HIP1: variants seen among roughly 807,000 people sequenced by gnomAD.
The protein encoded by HIP1 is huntingtin-interacting protein 1.
In HIP1, 65 loss-of-function variants were observed where a neutral mutation model predicts 147.6. The ratio of observed to expected loss-of-function variants is 0.44; its 90% CI spans 0.36 to 0.54. The LOEUF is 0.54. Ranked by LOEUF, HIP1 falls within the 20% of genes least tolerant of loss-of-function variation. The pLI is 0.00. For synonymous variants in HIP1, 479 were observed against 504.0 expected (o/e 0.95, Z 0.67); for missense variants, 1,061 against 1,299.6 (o/e 0.82, Z 2.82).
At chr7:75,553,100 G>A (rs1343095930) in intron 22 of HIP1, among the ~76,000 whole-genome samples, 3 of 151,992 alleles carry the variant, frequency 2.0e-5, no homozygotes, top group African/African-American at 7.2e-5. Flanking sequence ...ACTATGCTGG[G>A]TTGATTTTTG....
intron 1 of HIP1, among the ~76,000 whole-genome samples, chr7:75,676,446 T>C (rs1187209840): frequency 6.6e-6 from 1 of 152,168 alleles, no homozygotes; most frequent in Non-Finnish European, 1.5e-5. Flanking sequence ...CACACGCACA[T>C]GGCCATCTGC....
chr7:75,591,730 A>G (rs922819787), intron 4 of HIP1, among the ~76,000 whole-genome samples: 1 of 151,702 alleles, frequency 6.6e-6, no homozygotes, highest in Non-Finnish European at 1.5e-5. Flanking sequence ...ACCAAAAAAA[A>G]AAAAAAAAAA....
intron 1 of HIP1, among the ~76,000 whole-genome samples, chr7:75,612,285 G>A (rs947431520): frequency 7.2e-5 from 11 of 152,142 alleles, no homozygotes; most frequent in African/African-American, 1.2e-4. Context: ...GGAGGTGGGC[G>A]GATCACCCAA....
At chr7:75,666,460 G>A (rs781990768) in intron 1 of HIP1, among the ~76,000 whole-genome samples, 3 of 152,132 alleles carry the variant, frequency 2.0e-5, no homozygotes, top group Non-Finnish European at 2.9e-5. Flanking sequence ...GTGAGCCACC[G>A]TGCCAGGCCC....
At position 75,692,735 on chromosome 7, in the gene HIP1, A is replaced by G. The variant is rs569018853; in HGVS notation, c.120+46066T>C. Reference sequence around the variant, plus strand: ...ATGAGCCACTGCGCCCAGACACTTTATTAATTTTAAATATTACCTAAGTAC... The same window carrying G: ...ATGAGCCACTGCGCCCAGACACTTTGTTAATTTTAAATATTACCTAAGTAC... On this transcript the variant is annotated intron_variant, in intron 1 of 30. Coordinates refer to ENST00000336926, the MANE Select transcript of HIP1 (RefSeq NM_005338.7). 5.9e-5 allele frequency among the ~76,000 whole-genome samples: 9 copies of G among 152,000 alleles called. 1 individual carries two copies. In the South Asian group the frequency reaches 1.7e-3, roughly 28 times the overall value.
At chr7:75,618,271 C>A (rs1312317769) in intron 1 of HIP1, among the ~76,000 whole-genome samples, 4 of 152,188 alleles carry the variant, frequency 2.6e-5, no homozygotes, top group East Asian at 1.9e-4. Context: ...CACACCTTAG[C>A]CTCCCGAGTG....
In HIP1 at chr7:75,546,940, C is replaced by A. The variant is rs111432824; in HGVS notation, c.2558G>T (p.Arg853Met). ...CCCAGGGCCCACACCCACGCTCACC[C>A]TGCCGCTCTCCACAATCTCTCTCTG... Reference protein sequence around the residue: ...DLQREIVESGRGTASPKEFYA... With the variant: ...DLQREIVESGMGTASPKEFYA... Residue 853 changes from arginine to methionine, a missense_variant and splice_region_variant, in exon 25 of 31, where the codon AGG (arginine) becomes ATG (methionine). By Grantham distance (91) the Arg-to-Met change is moderately conservative. Coordinates refer to ENST00000336926, the MANE Select transcript of HIP1 (RefSeq NM_005338.7). 11 of 1,565,138 alleles carry A rather than the reference C, an allele frequency of 7.0e-6. No individual in the cohort carries two copies. The highest frequency in any genetic ancestry group is 2.7e-5 in the African/African-American group (2 of 74,076).
chr7:75,665,698 G>A (rs1287762843), intron 1 of HIP1, among the ~76,000 whole-genome samples: 2 of 151,956 alleles, frequency 1.3e-5, no homozygotes, highest in Admixed American at 1.3e-4. Flanking sequence ...CCATCACCAT[G>A]CCTGGCTAAT....
At chr7:75,576,179 T>C (rs1795839965) in intron 7 of HIP1, among the ~76,000 whole-genome samples, 1 of 152,204 alleles carries the variant, frequency 6.6e-6, no homozygotes, top group Non-Finnish European at 1.5e-5. Flanking sequence ...CCTGATGCTC[T>C]TCTGTTGAGC....
In HIP1 at chr7:75,587,097, C is replaced by T. The variant is rs117815793; in HGVS notation, c.385-264G>A. Among the ~76,000 whole-genome samples, 22 of 152,238 alleles carry T rather than the reference C, an allele frequency of 1.4e-4. No individual in the cohort carries two copies. The East Asian group carries it at 3.5e-3, about 24-fold the overall frequency. On this transcript the variant is annotated intron_variant, in intron 4 of 30. Coordinates refer to ENST00000336926, the MANE Select transcript of HIP1 (RefSeq NM_005338.7). ...CTGGGATTACAGGCACGCACCACCA[C>T]GCCTGGTCAATTTTTGTATTTTTGC...
intron 9 of HIP1, among the ~76,000 whole-genome samples, chr7:75,567,874 A>C: frequency 6.7e-6 from 1 of 149,054 alleles, no homozygotes. Context: ...CAGTGGCACA[A>C]TCTAGCTCAC....
intron 1 of HIP1, among the ~76,000 whole-genome samples, chr7:75,726,687 C>T (rs1193941240): frequency 6.7e-6 from 1 of 150,360 alleles, no homozygotes; most frequent in Admixed American, 6.7e-5. Flanking sequence ...GTAGAGGTAT[C>T]TCATTAAATG....
chr7:75,640,188 T>G (rs1798603062), intron 1 of HIP1, among the ~76,000 whole-genome samples: 1 of 152,242 alleles, frequency 6.6e-6, no homozygotes, highest in Non-Finnish European at 1.5e-5. Context: ...CAACACAGTC[T>G]GTCCCCCCAA....
chr7:75,607,228 G>GTTTTTTT (rs202211589), intron 1 of HIP1, among the ~76,000 whole-genome samples: 10 of 139,458 alleles, frequency 7.2e-5, no homozygotes, highest in African/African-American at 2.0e-4. Flanking sequence ...GTTGTTTTTT[G>GTTTTTTT]TTTTGTTTTT....
chr7:75,725,436 C>T (rs1337410917), intron 1 of HIP1, among the ~76,000 whole-genome samples: 9 of 152,114 alleles, frequency 5.9e-5, no homozygotes, highest in African/African-American at 1.2e-4. Context: ...GCTAGCAGAA[C>T]GCTAGCAGGG....
intron 1 of HIP1, among the ~76,000 whole-genome samples, chr7:75,669,377 A>G (rs540039956): frequency 6.6e-6 from 1 of 151,770 alleles, no homozygotes; most frequent in East Asian, 1.9e-4. Flanking sequence ...CATCTCAAAA[A>G]AACAAAACAA....
chr7:75,572,841 G>A (rs1032207024), intron 8 of HIP1, among the ~76,000 whole-genome samples: 9 of 150,990 alleles, frequency 6.0e-5, no homozygotes, highest in Non-Finnish European at 7.4e-5. Context: ...CCCCGCACCC[G>A]CCCCCAGCCC....
intron 22 of HIP1, among the ~76,000 whole-genome samples, chr7:75,552,124 C>T (rs1305699451): frequency 6.6e-6 from 1 of 152,136 alleles, no homozygotes; most frequent in Non-Finnish European, 1.5e-5. Context: ...CTCCTGACCT[C>T]AGGTGATCCA....
chr7:75,625,736 GA>G (rs1267287159), intron 1 of HIP1: 2 of 152,142 alleles, frequency 1.3e-5, no homozygotes, highest in African/African-American at 4.8e-5. Context: ...GGACTTTTCG[GA>G]AATGATTAAG....
Sources: allele counts gnomAD v4.1 joint callset (sites outside exome capture counted in the v4.1 genomes callset), GRCh38; gene constraint gnomAD v4.1.1; transcripts MANE v1.5; gene names NCBI Gene and HGNC (gene_info 2026-07-23, HGNC 2026-07-21).